The following TOX variants were observed in gnomAD, a reference collection of about 807,000 sequenced individuals.
The protein encoded by TOX is thymocyte selection associated high mobility group box, also known as thymocyte selection-associated high mobility group box protein TOX.
In TOX, 11 loss-of-function variants were observed where a neutral mutation model predicts 53.7. The observed-to-expected ratio is 0.20, with a 90% CI of 0.13 to 0.34. TOX has a LOEUF of 0.34. TOX is among the 10% of genes least tolerant of loss of function. TOX has a pLI of 1.00. For synonymous variants in TOX, 225 were observed against 245.3 expected (o/e 0.92, Z 0.77); for missense variants, 570 against 664.6 (o/e 0.86, Z 1.56).
intron 1 of TOX, among the ~76,000 whole-genome samples, 154 bp from the exon 2 acceptor site, chr8:58,960,162 G>A (rs572813353): frequency 2.0e-5 from 3 of 152,254 alleles, no homozygotes; most frequent in Admixed American, 1.3e-4. Flanking sequence ...CACAGCAAGC[G>A]AGCCACATCT....
At chr8:58,942,990 G>T (rs1490907459) in intron 2 of TOX, among the ~76,000 whole-genome samples, 2 of 152,184 alleles carry the variant, frequency 1.3e-5, no homozygotes, top group African/African-American at 2.4e-5. Flanking sequence ...TGTGATGCTT[G>T]TAACAGCCTG....
At chr8:59,062,517 G>T (rs945393666) in intron 1 of TOX, among the ~76,000 whole-genome samples, 1 of 152,184 alleles carries the variant, frequency 6.6e-6, no homozygotes, top group African/African-American at 2.4e-5. Flanking sequence ...GGAGGAGGTA[G>T]TTTCTACTTA....
chr8:59,092,326 T>TAC (rs1320545128), intron 1 of TOX, among the ~76,000 whole-genome samples: 207 of 129,250 alleles, frequency 1.6e-3, no homozygotes, highest in South Asian at 2.5e-3. Context: ...TACATATATA[T>TAC]ATTATATATT....
At chr8:58,831,571 A>G (rs577171521) in intron 5 of TOX, among the ~76,000 whole-genome samples, 184 of 152,328 alleles carry the variant, frequency 1.2e-3, no homozygotes, top group African/African-American at 4.2e-3. Context: ...TGGTAAAACC[A>G]TGGTGTGAAT....
intron 3 of TOX, among the ~76,000 whole-genome samples, chr8:58,878,516 T>C (rs1057179161): frequency 1.3e-5 from 2 of 152,198 alleles, no homozygotes; most frequent in African/African-American, 4.8e-5. Flanking sequence ...AACAATGCCA[T>C]TTGAAAATAG....
At chr8:59,070,895 C>T (rs967097875) in intron 1 of TOX, among the ~76,000 whole-genome samples, 6 of 151,910 alleles carry the variant, frequency 3.9e-5, no homozygotes, top group African/African-American at 7.3e-5. Flanking sequence ...AATTGCATCC[C>T]GAACAAAAGC....
intron 1 of TOX, among the ~76,000 whole-genome samples, chr8:59,111,479 A>C (rs2129424968): frequency 6.6e-6 from 1 of 152,190 alleles, no homozygotes; most frequent in African/African-American, 2.4e-5. Flanking sequence ...TCTGCCATTT[A>C]GGATAAATCT....
chr8:59,087,966 T>C (rs1804542713), intron 1 of TOX, among the ~76,000 whole-genome samples: 1 of 152,240 alleles, frequency 6.6e-6, no homozygotes, highest in African/African-American at 2.4e-5. Flanking sequence ...AACCTGGCCC[T>C]GGGTCCTGTG....
chr8:58,975,070 T>A (rs1226505485), intron 1 of TOX, among the ~76,000 whole-genome samples: 2 of 152,006 alleles, frequency 1.3e-5, no homozygotes, highest in African/African-American at 4.8e-5. Flanking sequence ...ATTGTTCAGA[T>A]ATAAATATAT....
intron 3 of TOX, among the ~76,000 whole-genome samples, chr8:58,935,143 T>TA (rs1356065069): frequency 6.6e-6 from 1 of 152,104 alleles, no homozygotes; most frequent in Non-Finnish European, 1.5e-5. Flanking sequence ...AGAATATATC[T>TA]AAAAACAAAA....
In TOX at chr8:58,840,554, T is replaced by C. The variant is rs113247288; in HGVS notation, c.694-2243A>G. 1.4e-3 allele frequency among the ~76,000 whole-genome samples: 207 copies of C among 152,306 alleles called. 1 individual carries two copies. The highest frequency in any genetic ancestry group is 4.6e-3 in the African/African-American group (193 of 41,560). The stretch of plus-strand genomic sequence containing the variant: ...ATACCCTGATGTCCAAGTCTTACCC[T>C]ACACAGATTAAAGCAGATGCCTATG... On this transcript the variant is annotated intron_variant, in intron 4 of 8. Coordinates refer to ENST00000361421, the MANE Select transcript of TOX (RefSeq NM_014729.3).
intron 1 of TOX, among the ~76,000 whole-genome samples, chr8:59,049,212 C>A (rs866067380): frequency 6.6e-6 from 1 of 152,008 alleles, no homozygotes; most frequent in Admixed American, 6.6e-5. Flanking sequence ...AACTTAGGGA[C>A]CAAAAAATCA....
At chr8:59,083,247 G>A (rs896537024) in intron 1 of TOX, among the ~76,000 whole-genome samples, 3 of 152,190 alleles carry the variant, frequency 2.0e-5, no homozygotes, top group African/African-American at 7.2e-5. Context: ...TTTCATCTTG[G>A]AACCTACTTT....
At chr8:58,827,394 G>A (rs1457367248) in intron 5 of TOX, among the ~76,000 whole-genome samples, 1 of 152,170 alleles carries the variant, frequency 6.6e-6, no homozygotes, top group East Asian at 1.9e-4. Context: ...GAGAGTGCAG[G>A]TTCATCACTG....
At chr8:59,013,413 C>CTTTTTTTT (rs35734986) in intron 1 of TOX, among the ~76,000 whole-genome samples, 5 of 146,344 alleles carry the variant, frequency 3.4e-5, no homozygotes, top group African/African-American at 7.5e-5. Context: ...TCAGATAGGC[C>CTTTTTTTT]TTTTTTTTTT....
intron 3 of TOX, among the ~76,000 whole-genome samples, chr8:58,909,797 A>G (rs976748432): frequency 3.9e-5 from 6 of 152,014 alleles, no homozygotes; most frequent in Admixed American, 3.3e-4. Flanking sequence ...AGCTAGGATT[A>G]CAGGTGCCCA....
At chr8:59,042,494 GA>G (rs1164816917) in intron 1 of TOX, among the ~76,000 whole-genome samples, 1 of 152,100 alleles carries the variant, frequency 6.6e-6, no homozygotes, top group East Asian at 1.9e-4. Flanking sequence ...TTCTTTATAG[GA>G]ACTATTTGCA....
chr8:59,050,965 G>A (rs550269413), intron 1 of TOX, among the ~76,000 whole-genome samples: 2 of 152,058 alleles, frequency 1.3e-5, no homozygotes, highest in East Asian at 1.9e-4. Flanking sequence ...TTTATGAGAG[G>A]TGCCATGCTA....
At chr8:59,025,441 G>A (rs542982177) in intron 1 of TOX, among the ~76,000 whole-genome samples, 15 of 149,534 alleles carry the variant, frequency 1.0e-4, no homozygotes, top group Middle Eastern at 3.4e-3. Context: ...TTATCCAATC[G>A]GGAAGGTAGG....
Sources: gnomAD v4.1 joint callset for allele counts (sites outside exome capture counted in the v4.1 genomes callset) on GRCh38, gnomAD v4.1.1 for gene constraint, MANE v1.5 for transcripts, NCBI Gene and HGNC (gene_info 2026-07-23, HGNC 2026-07-21) for gene names.